The following CPNE8 variants were observed in gnomAD, a reference collection of about 807,000 sequenced individuals.
CPNE8 encodes copine 8.
A neutral mutation model predicts 81.5 loss-of-function variants in CPNE8; 45 were observed. The observed-to-expected ratio is 0.55, with a 90% CI of 0.44 to 0.71. The LOEUF (loss-of-function observed/expected upper bound fraction) is 0.71, where lower values mean the gene tolerates loss of function less well. Among genes scored for constraint, CPNE8 ranks in the 30% least tolerant of loss-of-function variants. The pLI is 0.00. For synonymous variants in CPNE8, 252 were observed against 226.3 expected (o/e 1.11, Z -1.02); for missense variants, 594 against 672.1 (o/e 0.88, Z 1.28).
chr12:38,777,480 A>ATTTAGTGT (rs1941960121), intron 6 of CPNE8, among the ~76,000 whole-genome samples: 1 of 152,190 alleles, frequency 6.6e-6, no homozygotes, highest in Non-Finnish European at 1.5e-5. Context: ...AGTTTTAAAT[A>ATTTAGTGT]AATTTAGTGT....
At chr12:38,894,179 T>C (rs1944353013) in intron 1 of CPNE8, among the ~76,000 whole-genome samples, 1 of 152,166 alleles carries the variant, frequency 6.6e-6, no homozygotes, top group African/African-American at 2.4e-5. Flanking sequence ...CAGATGCTGT[T>C]TCTTTGCTGA....
intron 2 of CPNE8, 119 bp downstream of exon 2, chr12:38,874,352 G>A (rs1456945873): frequency 1.4e-6 from 1 of 719,530 alleles, no homozygotes; most frequent in African/African-American, 1.8e-5. Context: ...TGTAGGGCTT[G>A]GGACCATTCT....
At chr12:38,790,021 C>T (rs533354798) in intron 6 of CPNE8, among the ~76,000 whole-genome samples, 47 of 151,766 alleles carry the variant, frequency 3.1e-4, no homozygotes, top group African/African-American at 5.3e-4. Context: ...ACAATCACTA[C>T]GGAGAACACT....
intron 6 of CPNE8, among the ~76,000 whole-genome samples, chr12:38,822,894 A>T (rs1335102287): frequency 6.6e-6 from 1 of 152,208 alleles, no homozygotes; most frequent in Non-Finnish European, 1.5e-5. Context: ...TAGAGAGCAT[A>T]ACAATATCAA....
intron 3 of CPNE8, among the ~76,000 whole-genome samples, chr12:38,849,149 A>G (rs1021051657): frequency 6.6e-6 from 1 of 152,148 alleles, no homozygotes; most frequent in Non-Finnish European, 1.5e-5. Context: ...TCCTACACAC[A>G]TATGTCACAA....
At chr12:38,743,106 A>G (rs192800920) in intron 10 of CPNE8, among the ~76,000 whole-genome samples, 2 of 152,206 alleles carry the variant, frequency 1.3e-5, no homozygotes, top group African/African-American at 4.8e-5. Flanking sequence ...TTAATTTGAT[A>G]TTCTTAAAGA....
intron 19 of CPNE8, among the ~76,000 whole-genome samples, chr12:38,664,131 A>G (rs886595235): frequency 6.6e-6 from 1 of 152,102 alleles, no homozygotes; most frequent in African/African-American, 2.4e-5. Context: ...CAGAATTTTG[A>G]ATGTGCCCAA....
Position 38,873,039 on chromosome 12 carries a change from A to G in CPNE8, c.151T>C (p.Tyr51His). The G allele has an allele frequency of 6.4e-7, 1 of 1,552,764 alleles. No individual in the cohort carries two copies. The highest frequency in any genetic ancestry group is 8.8e-7 in the Non-Finnish European group (1 of 1,130,366). ...FSKSDPICVLYVQGVGNKEWR... is the reference protein window; with the variant it reads ...FSKSDPICVLHVQGVGNKEWR... ...TCTTTATTTCCAACTCCTTGTACATATAAGACACAAACTACAAAAGATGAA... is the reference window on the plus strand; with the variant it reads ...TCTTTATTTCCAACTCCTTGTACATGTAAGACACAAACTACAAAAGATGAA... The change falls in exon 3 of 20, where the codon TAT becomes CAT. Residue 51 changes from tyrosine to histidine, a missense_variant. By Grantham distance (83) the Tyr-to-His change is moderately conservative (BLOSUM62 2). Coordinates refer to ENST00000331366, the MANE Select transcript of CPNE8 (RefSeq NM_153634.3).
chr12:38,829,538 G>A (rs1943251886), intron 5 of CPNE8, 83 bp from the exon 6 acceptor site: 2 of 890,742 alleles, frequency 2.2e-6, no homozygotes, highest in Middle Eastern at 2.8e-4. Flanking sequence ...CATCTGCATT[G>A]TTTTCATTGC....
intron 6 of CPNE8, among the ~76,000 whole-genome samples, chr12:38,779,120 C>T (rs541423549): frequency 6.6e-6 from 1 of 152,060 alleles, no homozygotes; most frequent in Non-Finnish European, 1.5e-5. Context: ...TATGGAAAAC[C>T]AAACACCCTG....
chr12:38,849,273 A>C (rs980369415), intron 3 of CPNE8, among the ~76,000 whole-genome samples: 7 of 152,236 alleles, frequency 4.6e-5, no homozygotes, highest in Admixed American at 4.6e-4. Context: ...TAGCTTAGAA[A>C]AGTGGAAAAC....
intron 10 of CPNE8, among the ~76,000 whole-genome samples, chr12:38,755,317 C>A (rs563583372): frequency 6.6e-6 from 1 of 152,290 alleles, no homozygotes; most frequent in East Asian, 1.9e-4. Flanking sequence ...GCCTTTTCAT[C>A]AAAGCATCAT....
At chr12:38,723,961 C>T in intron 12 of CPNE8, 128 bp from the exon 13 acceptor site, 1 of 627,550 alleles carries the variant, frequency 1.6e-6, no homozygotes, top group East Asian at 2.8e-5. Context: ...TTTTTATTAA[C>T]ATCTGCTAGG....
intron 3 of CPNE8, among the ~76,000 whole-genome samples, chr12:38,869,444 A>G (rs1565655591): frequency 6.6e-6 from 1 of 152,204 alleles, no homozygotes; most frequent in Non-Finnish European, 1.5e-5. Context: ...ATGAGGAAAC[A>G]GAGTCACTGA....
chr12:38,669,976 A>C (rs1417321736), intron 19 of CPNE8, among the ~76,000 whole-genome samples: 1 of 152,072 alleles, frequency 6.6e-6, no homozygotes, highest in Non-Finnish European at 1.5e-5. Flanking sequence ...GAATCCTTAA[A>C]AACTCGTGGC....
chr12:38,810,611 A>T (rs1207271110), intron 6 of CPNE8, among the ~76,000 whole-genome samples: 1 of 152,146 alleles, frequency 6.6e-6, no homozygotes, highest in Admixed American at 6.5e-5. Context: ...GGTGGAGGAT[A>T]GGGGCTATCC....
chr12:38,730,703 C>T (rs1719858), intron 10 of CPNE8, among the ~76,000 whole-genome samples: 85,164 of 151,080 alleles, frequency 0.56, 24,463 homozygotes, highest in East Asian at 0.81. Flanking sequence ...TTAGAGACTA[C>T]ACTAATAAAT....
At chr12:38,815,866 C>T (rs1412524688) in intron 6 of CPNE8, among the ~76,000 whole-genome samples, 1 of 152,036 alleles carries the variant, frequency 6.6e-6, no homozygotes, top group African/African-American at 2.4e-5. Context: ...TTTTCAGTAA[C>T]AAAAACAAAG....
At chr12:38,894,674 T>G (rs1406878670) in intron 1 of CPNE8, among the ~76,000 whole-genome samples, 2 of 46,544 alleles carry the variant, frequency 4.3e-5, no homozygotes, top group Non-Finnish European at 1.5e-4. Flanking sequence ...TCTCTCTCTC[T>G]CTCTCTCTCT....
Sources: allele counts gnomAD v4.1 joint callset (sites outside exome capture counted in the v4.1 genomes callset), GRCh38; gene constraint gnomAD v4.1.1; transcripts MANE v1.5; gene names NCBI Gene and HGNC (gene_info 2026-07-23, HGNC 2026-07-21).